Variants in SLC24A2 observed in about 807,000 individuals in gnomAD.
The protein encoded by SLC24A2 is solute carrier family 24 member 2, also known as sodium/potassium/calcium exchanger 2.
In SLC24A2, 36 loss-of-function variants were observed where a neutral mutation model predicts 62.0. The observed-to-expected ratio is 0.58, with a 90% CI of 0.44 to 0.77. The LOEUF (loss-of-function observed/expected upper bound fraction) is 0.77, where lower values mean the gene tolerates loss of function less well. SLC24A2 is among the 30% of genes least tolerant of loss of function. SLC24A2 has a pLI of 0.00. For synonymous variants in SLC24A2, 358 were observed against 294.0 expected (o/e 1.22, Z -2.23); for missense variants, 846 against 817.9 (o/e 1.03, Z -0.42).
the SLC24A2 span, among the ~76,000 whole-genome samples, chr9:20,176,024 C>T: frequency 6.1e-4 from 93 of 152,080 alleles, no homozygotes; most frequent in African/African-American, 2.0e-3. Context: ...AGTGAGGACC[C>T]GGTGAGAGAG....
chr9:19,518,159 G>A (rs1033646047), intron 10 of SLC24A2, among the ~76,000 whole-genome samples: 1 of 152,088 alleles, frequency 6.6e-6, no homozygotes, highest in Non-Finnish European at 1.5e-5. Flanking sequence ...AAAAAGCTGA[G>A]TATCTCTAAT....
intron 2 of SLC24A2, among the ~76,000 whole-genome samples, chr9:19,634,379 C>G (rs1345913090): frequency 1.3e-5 from 2 of 149,724 alleles, no homozygotes; most frequent in Non-Finnish European, 3.0e-5. Context: ...AACTCCACCT[C>G]CCGGTTTCAA....
At chr9:19,791,989 T>G (rs1823325011), upstream of SLC24A2, among the ~76,000 whole-genome samples, 1 of 152,214 alleles carries the variant, frequency 6.6e-6, no homozygotes, top group African/African-American at 2.4e-5. Flanking sequence ...CTTTTTGTTT[T>G]GAAGAGGAGG....
chr9:20,147,251 A>G, the SLC24A2 span, among the ~76,000 whole-genome samples: 1 of 152,134 alleles, frequency 6.6e-6, no homozygotes, highest in Non-Finnish European at 1.5e-5. Context: ...CTCTCCTTTG[A>G]GTCGGAGGCC....
intron 2 of SLC24A2, among the ~76,000 whole-genome samples, chr9:19,718,458 A>ATTTTTTTTT (rs58736549): frequency 6.0e-5 from 6 of 99,798 alleles, no homozygotes; most frequent in Admixed American, 1.1e-4. Context: ...ATGCCTGGCT[A>ATTTTTTTTT]TTTTTTTTTT....
intron 7 of SLC24A2, among the ~76,000 whole-genome samples, chr9:19,557,306 G>C (rs753885951): frequency 6.6e-6 from 1 of 152,328 alleles, no homozygotes; most frequent in African/African-American, 2.4e-5. Flanking sequence ...GTTCAGTCAG[G>C]GTGGTGGGAA....
At chr9:19,875,353 C>T in the SLC24A2 span, among the ~76,000 whole-genome samples, 31 of 152,118 alleles carry the variant, frequency 2.0e-4, no homozygotes, top group African/African-American at 6.0e-4. Context: ...CTGACTCTGA[C>T]GAAATTGAGG....
intron 5 of SLC24A2, among the ~76,000 whole-genome samples, chr9:19,590,019 T>C (rs1355025869): frequency 1.3e-5 from 2 of 152,148 alleles, no homozygotes; most frequent in African/African-American, 2.4e-5. Flanking sequence ...CTGAACTCTC[T>C]TTCTCTGAAT....
intron 2 of SLC24A2, among the ~76,000 whole-genome samples, chr9:19,638,588 G>T (rs993159440): frequency 3.9e-5 from 6 of 152,064 alleles, no homozygotes; most frequent in African/African-American, 1.4e-4. Context: ...TAAAAATAGA[G>T]TATAATTCAA....
chr9:19,763,481 G>A (rs1208949528), intron 2 of SLC24A2, among the ~76,000 whole-genome samples: 1 of 152,188 alleles, frequency 6.6e-6, no homozygotes, highest in Non-Finnish European at 1.5e-5. Context: ...ATTATTTTGA[G>A]ATATGTTCCA....
rs866728891 is a variant in SLC24A2 at position 19,622,176 on chromosome 9, G to A, written c.969+85C>T. The A allele has an allele frequency of 5.6e-6, 6 of 1,068,228 alleles. No individual in the cohort carries two copies. The Middle Eastern group carries it at 6.0e-4, about 107-fold the overall frequency. The allele number at this position is 1,068,228 out of a possible 1,614,324, so 66.2% of individuals were successfully genotyped here. On this transcript the variant is annotated intron_variant, in intron 3 of 10. Coordinates refer to ENST00000341998, the MANE Select transcript of SLC24A2 (RefSeq NM_020344.4). ...TCCAAGGGAGAGAGTAATGTGTTGAGCACACAAACCCGTCTCACTCCCACC... is the reference window on the plus strand; with the variant it reads ...TCCAAGGGAGAGAGTAATGTGTTGAACACACAAACCCGTCTCACTCCCACC...
At chr9:20,246,274 C>T in the SLC24A2 span, among the ~76,000 whole-genome samples, 1 of 152,204 alleles carries the variant, frequency 6.6e-6, no homozygotes, top group Non-Finnish European at 1.5e-5. Context: ...GGAGCACTCA[C>T]ATGTGAAACA....
chr9:19,556,252 G>A (rs928411291), intron 7 of SLC24A2, among the ~76,000 whole-genome samples: 1 of 152,152 alleles, frequency 6.6e-6, no homozygotes, highest in African/African-American at 2.4e-5. Flanking sequence ...TTTTCCATTT[G>A]AATTTGGTAT....
chr9:19,860,848 A>G, the SLC24A2 span, among the ~76,000 whole-genome samples: 3 of 152,126 alleles, frequency 2.0e-5, no homozygotes, highest in South Asian at 4.1e-4. Flanking sequence ...TGAAGGTGAG[A>G]CTTTTCTGCC....
intron 2 of SLC24A2, among the ~76,000 whole-genome samples, chr9:19,701,172 G>A (rs1025997921): frequency 6.6e-6 from 1 of 152,206 alleles, no homozygotes; most frequent in Non-Finnish European, 1.5e-5. Context: ...AGATTAACCT[G>A]TTAGGTGCTA....
At chr9:20,132,646 A>G in the SLC24A2 span, among the ~76,000 whole-genome samples, 1 of 152,076 alleles carries the variant, frequency 6.6e-6, no homozygotes, top group African/African-American at 2.4e-5. Flanking sequence ...GGACTACCCA[A>G]TTCCACTCTG....
At chr9:19,731,504 T>A (rs897819822) in intron 2 of SLC24A2, among the ~76,000 whole-genome samples, 2 of 112,706 alleles carry the variant, frequency 1.8e-5, no homozygotes, top group Non-Finnish European at 3.6e-5. Context: ...TGTTTCTCTC[T>A]CTCTCTCTCT....
At chr9:19,636,394 T>TCCCTCCCTCC (rs1564010086) in intron 2 of SLC24A2, among the ~76,000 whole-genome samples, 2 of 96,412 alleles carry the variant, frequency 2.1e-5, no homozygotes, top group African/African-American at 1.0e-4. Flanking sequence ...TTTCTCCCTC[T>TCCCTCCCTCC]CTCTCTCTCT....
At chr9:19,834,522 A>G in the SLC24A2 span, among the ~76,000 whole-genome samples, 29 of 152,330 alleles carry the variant, frequency 1.9e-4, no homozygotes, top group Non-Finnish European at 3.4e-4. Flanking sequence ...AGAAGTTTAG[A>G]GAAAAAAGAA....
Sources: allele counts gnomAD v4.1 joint callset (sites outside exome capture counted in the v4.1 genomes callset), GRCh38; gene constraint gnomAD v4.1.1; transcripts MANE v1.5; gene names NCBI Gene and HGNC (gene_info 2026-07-23, HGNC 2026-07-21).